Variants in GOLGA1 observed in about 807,000 individuals in gnomAD.
GOLGA1 encodes the protein golgin subfamily A member 1.
GOLGA1 carries 63 observed loss-of-function variants against 119.7 expected under a neutral mutation model. The observed-to-expected ratio is 0.53, with a 90% CI of 0.43 to 0.65. The LOEUF (loss-of-function observed/expected upper bound fraction) is 0.65, where lower values mean the gene tolerates loss of function less well. GOLGA1 is among the 30% of genes least tolerant of loss of function. The pLI, the probability that GOLGA1 is intolerant of heterozygous loss-of-function variation, is 0.00. For synonymous variants in GOLGA1, 318 were observed against 333.4 expected (o/e 0.95, Z 0.50); for missense variants, 798 against 912.8 (o/e 0.87, Z 1.62).
In GOLGA1 at chr9:124,890,462, C is replaced by G; in HGVS notation, c.1424G>C (p.Arg475Thr). Residue 475 changes from arginine to threonine, a missense_variant, in exon 16 of 23, where the codon AGA becomes ACA. By Grantham distance (71) the Arg-to-Thr change is moderately conservative. Coordinates refer to ENST00000373555, the MANE Select transcript of GOLGA1 (RefSeq NM_002077.4). Reference sequence around the variant, plus strand: ...AGCCATGGCCACGCTCACAATTTCTCTTTGGCTCCATTCTTCCTACAATGC... The same window carrying G: ...AGCCATGGCCACGCTCACAATTTCTGTTTGGCTCCATTCTTCCTACAATGC... Reference protein sequence around the residue: ...LKKLKEEWSQREIVSVAMAQA... With the variant: ...LKKLKEEWSQTEIVSVAMAQA... The G allele has an allele frequency of 6.2e-7, 1 of 1,613,524 alleles. No individual in the cohort carries two copies. The highest frequency in any genetic ancestry group is 1.1e-5 in the South Asian group (1 of 91,074).
intron 7 of GOLGA1, among the ~76,000 whole-genome samples, chr9:124,925,514 A>G (rs1830656824): frequency 1.3e-5 from 2 of 152,004 alleles, no homozygotes; most frequent in South Asian, 4.2e-4. Context: ...CTAGGAGTTC[A>G]AAACCAGCCT....
intron 4 of GOLGA1, among the ~76,000 whole-genome samples, chr9:124,929,786 T>C (rs1830740955): frequency 6.6e-6 from 1 of 152,102 alleles, no homozygotes; most frequent in Non-Finnish European, 1.5e-5. Flanking sequence ...TCTAAAAAAG[T>C]GAGCTCCCTT....
Position 124,929,811 on chromosome 9 carries a change from T to C in GOLGA1, c.227-521A>G, listed in dbSNP as rs1830741150. 2.0e-5 allele frequency among the ~76,000 whole-genome samples: 3 copies of C among 152,160 alleles called. No homozygotes were observed. In the South Asian group the frequency reaches 6.2e-4, roughly 32 times the overall value. Reference sequence around the variant, plus strand: ...TGAGCTCCCTTTCTACACAGGAACTTGGTAACCTACGCTACATTAAATGTG... The same window carrying C: ...TGAGCTCCCTTTCTACACAGGAACTCGGTAACCTACGCTACATTAAATGTG... On this transcript the variant is annotated intron_variant, in intron 4 of 22. Transcript: ENST00000373555.
intron 10 of GOLGA1, among the ~76,000 whole-genome samples, chr9:124,917,229 G>A (rs1312642263): frequency 6.6e-6 from 1 of 152,132 alleles, no homozygotes; most frequent in Non-Finnish European, 1.5e-5. Flanking sequence ...AGGGCACAGA[G>A]GGAACCTCAA....
chr9:124,891,878 T>C (rs1829860704), intron 15 of GOLGA1, among the ~76,000 whole-genome samples: 1 of 151,586 alleles, frequency 6.6e-6, no homozygotes, highest in Non-Finnish European at 1.5e-5. Flanking sequence ...CTCCTGACCT[T>C]AGGTGATCTA....
At chr9:124,883,200 A>G (rs1179452587) in intron 19 of GOLGA1, among the ~76,000 whole-genome samples, 2 of 151,992 alleles carry the variant, frequency 1.3e-5, no homozygotes, top group Non-Finnish European at 1.5e-5. Flanking sequence ...CCTGGGTTCA[A>G]GTGATTCTCC....
intron 3 of GOLGA1, among the ~76,000 whole-genome samples, chr9:124,935,817 T>A (rs1269665385): frequency 6.6e-6 from 1 of 151,398 alleles, no homozygotes; most frequent in Non-Finnish European, 1.5e-5. Context: ...GTTGACTGAT[T>A]GGACACCAAG....
chr9:124,929,430 G>T, intron 4 of GOLGA1, 140 bp from the exon 5 acceptor site: 1 of 664,624 alleles, frequency 1.5e-6, no homozygotes. Context: ...TAGACAGACA[G>T]CCTCCCATTA....
intron 4 of GOLGA1, among the ~76,000 whole-genome samples, chr9:124,929,699 C>G (rs1263462538): frequency 6.6e-6 from 1 of 152,190 alleles, no homozygotes; most frequent in South Asian, 2.1e-4. Flanking sequence ...ATAGTCCACA[C>G]AACTCAGGAA....
chr9:124,941,935 G>A (rs1425257955), upstream of GOLGA1, among the ~76,000 whole-genome samples: 4 of 152,098 alleles, frequency 2.6e-5, no homozygotes, highest in East Asian at 5.8e-4. Context: ...TAGCAATCAT[G>A]CAGGCAGTAG....
chr9:124,890,831 G>A (rs1250156347), intron 15 of GOLGA1, among the ~76,000 whole-genome samples: 2 of 152,092 alleles, frequency 1.3e-5, no homozygotes, highest in South Asian at 2.1e-4. Context: ...TGAATGGAGT[G>A]GGGGACTGGA....
chr9:124,925,034 C>G (rs1310122041), intron 7 of GOLGA1, among the ~76,000 whole-genome samples: 1 of 151,038 alleles, frequency 6.6e-6, no homozygotes, highest in African/African-American at 2.4e-5. Flanking sequence ...GAGCCAAGAT[C>G]ATGCCACTGT....
chr9:124,930,103 T>C (rs1182534707), intron 4 of GOLGA1, among the ~76,000 whole-genome samples: 1 of 152,218 alleles, frequency 6.6e-6, no homozygotes, highest in East Asian at 1.9e-4. Flanking sequence ...GTGACTATTA[T>C]CATTACTCAT....
chr9:124,941,696 G>C (rs1831030183), upstream of GOLGA1, among the ~76,000 whole-genome samples: 1 of 152,198 alleles, frequency 6.6e-6, no homozygotes, highest in Non-Finnish European at 1.5e-5. Flanking sequence ...TTCTTACTAT[G>C]TAATGCACTT....
At chr9:124,899,208 A>C in intron 14 of GOLGA1, 121 bp downstream of exon 14, 1 of 840,692 alleles carries the variant, frequency 1.2e-6, no homozygotes. Flanking sequence ...ACAAAAAAAA[A>C]GCTGCCTTCT....
intron 10 of GOLGA1, among the ~76,000 whole-genome samples, chr9:124,920,157 T>C (rs1830537743): frequency 1.3e-5 from 2 of 152,044 alleles, no homozygotes; most frequent in African/African-American, 4.8e-5. Flanking sequence ...TCTTGCTCTA[T>C]TGCCTGGGCT....
chr9:124,932,528 T>G (rs1447240797), intron 3 of GOLGA1, among the ~76,000 whole-genome samples: 1 of 152,214 alleles, frequency 6.6e-6, no homozygotes, highest in Non-Finnish European at 1.5e-5. Flanking sequence ...TTTCCTCATT[T>G]GCAATCTGTG....
chr9:124,886,652 C>G, intron 19 of GOLGA1, among the ~76,000 whole-genome samples: 1 of 151,962 alleles, frequency 6.6e-6, no homozygotes, highest in Non-Finnish European at 1.5e-5. Flanking sequence ...TGCACAACGG[C>G]GCACCTCTCA....
intron 14 of GOLGA1, 125 bp downstream of exon 14, chr9:124,899,204 A>G: frequency 1.2e-6 from 1 of 834,240 alleles, no homozygotes; most frequent in Non-Finnish European, 1.8e-6. Flanking sequence ...TCAAACAAAA[A>G]AAAAGCTGCC....
Sources: gnomAD v4.1 joint callset for allele counts (sites outside exome capture counted in the v4.1 genomes callset) on GRCh38, gnomAD v4.1.1 for gene constraint, MANE v1.5 for transcripts, NCBI Gene and HGNC (gene_info 2026-07-23, HGNC 2026-07-21) for gene names.